MOBP: variants seen among roughly 807,000 people sequenced by gnomAD.
MOBP encodes the protein myelin-associated oligodendrocyte basic protein.
In MOBP, 5 loss-of-function variants were observed where a neutral mutation model predicts 15.0. That is an observed-to-expected ratio of 0.33 (90% confidence interval 0.17 to 0.70). The LOEUF is 0.70. Ranked by LOEUF, MOBP falls within the 30% of genes least tolerant of loss-of-function variation. The pLI, the probability that MOBP is intolerant of heterozygous loss-of-function variation, is 0.67. For synonymous variants in MOBP, 88 were observed against 99.0 expected, an observed-to-expected ratio of 0.89 and a Z score of 0.66; for missense variants, 188 against 257.8, an observed-to-expected ratio of 0.73 and a Z score of 1.85.
intron 2 of MOBP, among the ~76,000 whole-genome samples, chr3:39,495,763 A>G (rs534187402): frequency 4.0e-5 from 6 of 151,038 alleles, no homozygotes; most frequent in East Asian, 3.9e-4. Context: ...AAAAAAAAAA[A>G]AAAAGAAAAG....
intron 2 of MOBP, among the ~76,000 whole-genome samples, chr3:39,486,718 A>G (rs758979466): frequency 1.5e-4 from 23 of 152,102 alleles, no homozygotes; most frequent in Non-Finnish European, 2.8e-4. Context: ...ATGTATTTTT[A>G]TATGCTTATG....
intron 1 of MOBP, among the ~76,000 whole-genome samples, chr3:39,475,350 A>C (rs2042531095): frequency 6.6e-6 from 1 of 152,160 alleles, no homozygotes; most frequent in Non-Finnish European, 1.5e-5. Context: ...TCTCCACTTT[A>C]AAGTGATTAT....
At chr3:39,480,170 T>C (rs1166348611) in intron 2 of MOBP, 47 bp downstream of exon 2, 1 of 152,202 alleles carries the variant, frequency 6.6e-6, no homozygotes, top group Non-Finnish European at 1.5e-5. Flanking sequence ...TCTAAATTTT[T>C]GCATAATGAT....
exon 5 of MOBP, chr3:39,513,440 C>G: frequency 6.2e-7 from 1 of 1,613,276 alleles, no homozygotes; most frequent in Admixed American, 1.7e-5. Context: ...GGAGTTTAAA[C>G]TGAATGAACA....
chr3:39,513,864 T>G (rs2043156091), exon 5 of MOBP: 1 of 164,422 alleles, frequency 6.1e-6, no homozygotes, highest in African/African-American at 2.4e-5. Flanking sequence ...GACTTTCTCC[T>G]TTGTAATTAA....
chr3:39,482,012 C>T (rs538921955), intron 2 of MOBP, among the ~76,000 whole-genome samples: 1 of 152,276 alleles, frequency 6.6e-6, no homozygotes, highest in African/African-American at 2.4e-5. Context: ...AATTCTATCT[C>T]GAGCCAACTT....
At chr3:39,475,925 G>C (rs1035115567) in intron 1 of MOBP, among the ~76,000 whole-genome samples, 1 of 152,164 alleles carries the variant, frequency 6.6e-6, no homozygotes, top group Non-Finnish European at 1.5e-5. Flanking sequence ...GTTATTACTT[G>C]TTGTATCAGT....
intron 1 of MOBP, among the ~76,000 whole-genome samples, chr3:39,474,735 A>G (rs954305920): frequency 5.9e-5 from 9 of 152,202 alleles, no homozygotes; most frequent in African/African-American, 1.9e-4. Context: ...CTTTGCACAT[A>G]AAAAGAGTGA....
intron 2 of MOBP, among the ~76,000 whole-genome samples, chr3:39,482,210 C>T (rs1301844591): frequency 6.6e-6 from 1 of 152,136 alleles, no homozygotes; most frequent in South Asian, 2.1e-4. Context: ...CTCCTCATTA[C>T]CACTTCTTAT....
At chr3:39,515,661 C>G (rs897957161) in exon 5 of MOBP, 1 of 152,320 alleles carries the variant, frequency 6.6e-6, no homozygotes, top group African/African-American at 2.4e-5. Flanking sequence ...AGTGCTTGTG[C>G]CCACCTTGGA....
intron 1 of MOBP, among the ~76,000 whole-genome samples, chr3:39,471,905 A>G (rs1281268123): frequency 1.3e-5 from 2 of 152,236 alleles, no homozygotes; most frequent in African/African-American, 2.4e-5. Flanking sequence ...AGCGCAGAGC[A>G]GAGTTCATTT....
At chr3:39,472,374 A>T (rs983043280) in intron 1 of MOBP, among the ~76,000 whole-genome samples, 1 of 152,280 alleles carries the variant, frequency 6.6e-6, no homozygotes, top group East Asian at 1.9e-4. Flanking sequence ...CCTGGATGAC[A>T]TAGATTAACT....
In MOBP at chr3:39,502,273, C is replaced by T. The variant is rs372949943; in HGVS notation, c.204C>T (p.Thr68=). 6 of 1,614,066 alleles carry T rather than the reference C, an allele frequency of 3.7e-6. No homozygotes were observed. The highest frequency in any genetic ancestry group is 2.2e-5 in the East Asian group (1 of 44,882). Residue 68 remains threonine (T), a splice_region_variant and synonymous_variant, in exon 3 of 4, where the codon ACC becomes ACT. Transcript: ENST00000684792. The surrounding 1 kb of genome is among the most constrained non-coding windows in gnomAD (Gnocchi z 6.3). ...GGATCTGCTGCGCCTGCCAGAAGAC[C>T]AGGTAAGCGGCCGCCCAGCCCCGCG... ...EDWICCACQK[T]RTSRRAKSPQ...
At chr3:39,488,125 T>C (rs537082328) in intron 2 of MOBP, among the ~76,000 whole-genome samples, 2 of 152,350 alleles carry the variant, frequency 1.3e-5, no homozygotes, top group South Asian at 2.1e-4. Context: ...CTATTGTGAA[T>C]AAAATTTTTT....
At chr3:39,470,189 A>G (rs2042449541) in intron 1 of MOBP, among the ~76,000 whole-genome samples, 1 of 152,222 alleles carries the variant, frequency 6.6e-6, no homozygotes, top group Non-Finnish European at 1.5e-5. Context: ...GCAACGCTGC[A>G]AAAAGTCTCC....
rs760417554 is a variant in MOBP, at chr3:39,502,835, C to A, written c.507C>A (p.Gly169=). 1 of 1,510,392 alleles carries A rather than the reference C, an allele frequency of 6.6e-7. No individual in the cohort carries two copies. The allele number at this position is 1,510,392 out of a possible 1,614,324, so 93.6% of individuals were successfully genotyped here. ...QPRSSPLRGP[G]ASRGGSPVKA... The stretch of plus-strand genomic sequence containing the variant: ...GCAGCAGCCCCCTCAGAGGGCCAGG[C>A]GCCAGCCGTGGGGGGTCCCCCGTCA... The change falls in exon 4 of 4, where the codon GGC becomes GGA. Residue 169 remains glycine (G), a synonymous_variant. Coordinates refer to ENST00000684792, the MANE Select transcript of MOBP (RefSeq NM_001393704.1). The surrounding 1 kb of genome is among the most constrained non-coding windows in gnomAD (Gnocchi z 6.3).
At chr3:39,476,514 T>A (rs1055415617) in intron 1 of MOBP, among the ~76,000 whole-genome samples, 1 of 152,214 alleles carries the variant, frequency 6.6e-6, no homozygotes, top group African/African-American at 2.4e-5. Flanking sequence ...TGTGACTTCA[T>A]TCTTTGGATA....
chr3:39,509,413 A>G (rs998320287), intron 4 of MOBP, among the ~76,000 whole-genome samples: 3 of 152,184 alleles, frequency 2.0e-5, no homozygotes, highest in African/African-American at 7.2e-5. Context: ...TCTGATAGGT[A>G]TGTAATGGTA....
intron 3 of MOBP, among the ~76,000 whole-genome samples, chr3:39,523,860 G>A (rs1038114272): frequency 5.3e-5 from 8 of 152,162 alleles, no homozygotes; most frequent in Non-Finnish European, 1.2e-4. Context: ...GTGAGTTTGG[G>A]AAAGTCATTT....
Sources: gnomAD v4.1 joint callset for allele counts (sites outside exome capture counted in the v4.1 genomes callset) on GRCh38, gnomAD v4.1.1 for gene constraint, Gnocchi (gnomAD v3.1) non-coding constraint, MANE v1.5 for transcripts, NCBI Gene and HGNC (gene_info 2026-07-23, HGNC 2026-07-21) for gene names.